The following USP9Y variants were observed in gnomAD, a reference collection of about 807,000 sequenced individuals.
USP9Y encodes the protein ubiquitin specific peptidase 9 Y-linked.
USP9Y carries 41 observed loss-of-function variants against 53.1 expected under a neutral mutation model. The observed-to-expected ratio is 0.77, with a 90% CI of 0.60 to 1.00. The LOEUF (loss-of-function observed/expected upper bound fraction) is 1.00. USP9Y is among the 50% of genes least tolerant of loss of function. The probability of loss-of-function intolerance (pLI) is 0.00; values close to 1 mark genes in which losing one functional copy is unlikely to be tolerated. For synonymous variants in USP9Y, 220 were observed against 173.7 expected (o/e 1.27, Z -2.09); for missense variants, 567 against 535.8 (o/e 1.06, Z -0.58).
At chrY:12,841,679 C>CA (rs1463084203) in intron 37 of USP9Y, among the ~76,000 whole-genome samples, 58 of 20,825 alleles carry the variant, frequency 2.8e-3, no homozygotes, top group Middle Eastern at 0.022. Flanking sequence ...ATCTTGTATA[C>CA]AAAAAAAAAA....
chrY:12,749,787 A>G, intron 12 of USP9Y, among the ~76,000 whole-genome samples: 2 of 33,957 alleles, frequency 5.9e-5, no homozygotes, highest in African/African-American at 2.3e-4. Flanking sequence ...CCAGAATTGC[A>G]TTGCATTGAT....
chrY:12,854,454 G>C, intron 42 of USP9Y, among the ~76,000 whole-genome samples: 1 of 33,904 alleles, frequency 2.9e-5, no homozygotes, highest in Non-Finnish European at 7.4e-5. Flanking sequence ...TCTGGCTGGA[G>C]TGCAGTGGCA....
Position 12,790,415 on chromosome Y carries a change from A to G in USP9Y, c.3570A>G (p.Gln1190=). Residue 1190 remains glutamine (Q), a synonymous_variant, in exon 25 of 46, where the codon CAA becomes CAG. Coordinates refer to ENST00000338981, the MANE Select transcript of USP9Y (RefSeq NM_004654.4). ...TGATTCACTTTTTTCAGATTAACCA[A>G]GTTACTCATGATCAAGCAGTGGTGC... is the stretch of plus-strand genomic sequence containing the variant. ...DGTDPITQIN[Q]VTHDQAVVLQ... is the part of the protein sequence containing the mutation. The G allele has an allele frequency of 2.5e-6, 1 of 397,736 alleles. No individual in the cohort carries two copies. The highest frequency in any genetic ancestry group is 5.9e-4 in the Middle Eastern group (1 of 1,702).
In USP9Y at chrY:12,790,541, G is replaced by A; in HGVS notation, c.3687+9G>A. The A allele has an allele frequency of 2.5e-6, 1 of 393,298 alleles. No individual in the cohort carries two copies. The highest frequency in any genetic ancestry group is 3.6e-6 in the Non-Finnish European group (1 of 279,011). On this transcript the variant is annotated intron_variant, in intron 25 of 45. Transcript: ENST00000338981. ...AGGAAATATCTAATGAGGTTAGTAT[G>A]AAAGTTAGACAGTTCTGGGATCTTG... is the stretch of plus-strand genomic sequence containing the variant.
At chrY:12,758,703 G>T in intron 14 of USP9Y, 61 bp downstream of exon 14, 1 of 219,481 alleles carries the variant, frequency 4.6e-6, no homozygotes, top group Non-Finnish European at 7.1e-6. Flanking sequence ...TGGAAATGGT[G>T]TATGAAAGCA....
chrY:12,840,808 T>A, intron 36 of USP9Y, among the ~76,000 whole-genome samples, 194 bp downstream of exon 36: 2 of 33,149 alleles, frequency 6.0e-5, no homozygotes, highest in Non-Finnish European at 1.5e-4. Context: ...AATTATGATA[T>A]CTGTACCTTT....
At chrY:12,796,638 A>T in intron 27 of USP9Y, among the ~76,000 whole-genome samples, 1 of 33,452 alleles carries the variant, frequency 3.0e-5, no homozygotes, top group South Asian at 6.9e-4. Context: ...AGCAGCCCTG[A>T]GGGCTGCTGG....
At chrY:12,760,300 G>A (rs776123932) in intron 14 of USP9Y, among the ~76,000 whole-genome samples, 184 bp from the exon 15 acceptor site, 4 of 33,755 alleles carry the variant, frequency 1.2e-4, no homozygotes, top group Admixed American at 8.0e-4. Context: ...TTGGTTGGAG[G>A]CATGGATTAT....
chrY:12,842,520 C>A, intron 38 of USP9Y, 55 bp downstream of exon 38: 2 of 277,755 alleles, frequency 7.2e-6, no homozygotes, highest in Non-Finnish European at 1.1e-5. Context: ...GAAGTAAATT[C>A]TGTTTCTGCA....
At chrY:12,814,006 G>A (rs2053533599) in intron 31 of USP9Y, among the ~76,000 whole-genome samples, 2 of 33,037 alleles carry the variant, frequency 6.1e-5, no homozygotes, top group African/African-American at 2.4e-4. Flanking sequence ...TAGAGAGACA[G>A]GGTTTCACCA....
chrY:12,712,853 G>T, intron 3 of USP9Y, among the ~76,000 whole-genome samples: 1 of 31,994 alleles, frequency 3.1e-5, no homozygotes, highest in Non-Finnish European at 7.6e-5. Flanking sequence ...GATTGCCCTA[G>T]AATTTGCAAT....
chrY:12,712,284 A>G (rs2053425697), intron 3 of USP9Y, among the ~76,000 whole-genome samples: 1 of 33,595 alleles, frequency 3.0e-5, no homozygotes, highest in African/African-American at 1.2e-4. Flanking sequence ...TGAACTCTCA[A>G]ACTATCTTAA....
chrY:12,787,276 G>A (rs781269315), intron 24 of USP9Y, among the ~76,000 whole-genome samples: 6 of 34,123 alleles, frequency 1.8e-4, no homozygotes, highest in Admixed American at 1.6e-3. Context: ...GATGAATTCA[G>A]TTCTAACTAA....
At chrY:12,702,832 T>A (rs2053417224) in intron 1 of USP9Y, among the ~76,000 whole-genome samples, 1 of 33,395 alleles carries the variant, frequency 3.0e-5, no homozygotes, top group Non-Finnish European at 7.4e-5. Context: ...GATTAAATTC[T>A]ATAGATTTTT....
intron 12 of USP9Y, among the ~76,000 whole-genome samples, chrY:12,747,355 C>T: frequency 3.0e-5 from 1 of 33,215 alleles, no homozygotes; most frequent in East Asian, 8.0e-4. Context: ...GAAATTTCTC[C>T]CCAAATGAGA....
intron 35 of USP9Y, 51 bp downstream of exon 35, chrY:12,838,103 G>A: frequency 3.8e-6 from 1 of 265,786 alleles, no homozygotes; most frequent in Non-Finnish European, 5.8e-6. Flanking sequence ...CAGAATAGGA[G>A]GACATTGGAG....
chrY:12,730,655 G>C, intron 7 of USP9Y, among the ~76,000 whole-genome samples: 1 of 31,509 alleles, frequency 3.2e-5, no homozygotes, highest in Non-Finnish European at 7.7e-5. Context: ...GCTAATTTTT[G>C]TATTTTTAGT....
At chrY:12,791,991 G>A (rs2148287157) in intron 26 of USP9Y, among the ~76,000 whole-genome samples, 1 of 33,492 alleles carries the variant, frequency 3.0e-5, no homozygotes, top group East Asian at 7.8e-4. Context: ...ACCTGGCGTC[G>A]GGCACAGTGG....
chrY:12,705,423 T>A, intron 1 of USP9Y, among the ~76,000 whole-genome samples: 1 of 32,974 alleles, frequency 3.0e-5, no homozygotes, highest in Non-Finnish European at 7.5e-5. Flanking sequence ...TGTACTCTAC[T>A]GTTGTTGGGT....
Sources: gnomAD v4.1 joint callset for allele counts (sites outside exome capture counted in the v4.1 genomes callset) on GRCh38, gnomAD v4.1.1 for gene constraint, MANE v1.5 for transcripts, NCBI Gene and HGNC (gene_info 2026-07-23, HGNC 2026-07-21) for gene names.